TMEM45A: variants seen among roughly 807,000 people sequenced by gnomAD.
TMEM45A encodes transmembrane protein 45A.
In TMEM45A, 25 loss-of-function variants were observed where a neutral mutation model predicts 32.0. The observed-to-expected ratio is 0.78, with a 90% confidence interval of 0.57 to 1.09. The LOEUF (loss-of-function observed/expected upper bound fraction) is 1.09. Ranked by LOEUF, TMEM45A falls within the 50% of genes least tolerant of loss-of-function variation. TMEM45A has a pLI of 0.00. For synonymous variants in TMEM45A, 122 were observed against 114.8 expected (o/e 1.06, Z -0.40); for missense variants, 302 against 325.0 (o/e 0.93, Z 0.54).
chr3:100,564,586 C>T (rs570396765), intron 4 of TMEM45A, among the ~76,000 whole-genome samples: 7 of 151,992 alleles, frequency 4.6e-5, no homozygotes, highest in Admixed American at 1.3e-4. Flanking sequence ...CGGGTTCAAG[C>T]GATTCTCCTG....
intron 1 of TMEM45A, among the ~76,000 whole-genome samples, chr3:100,511,474 C>T (rs1396039192): frequency 5.3e-5 from 8 of 151,792 alleles, no homozygotes; most frequent in East Asian, 1.9e-4. Context: ...CTGAAGGAAG[C>T]GCTAAACATG....
At chr3:100,520,712 G>A (rs1201984983) in intron 1 of TMEM45A, among the ~76,000 whole-genome samples, 2 of 152,106 alleles carry the variant, frequency 1.3e-5, no homozygotes, top group African/African-American at 2.4e-5. Context: ...AGGCAGGCAC[G>A]GGTTGCCAAC....
At chr3:100,501,432 TC>T (rs1187820488) in intron 1 of TMEM45A, among the ~76,000 whole-genome samples, 3 of 152,232 alleles carry the variant, frequency 2.0e-5, no homozygotes, top group South Asian at 4.1e-4. Flanking sequence ...GGGAGGAGTT[TC>T]CCAGCTAAAG....
chr3:100,516,793 A>AT lies in TMEM45A; in HGVS notation c.-4+23875dup, dbSNP rs201646051. On this transcript the variant is annotated intron_variant, in intron 1 of 5. Transcript: ENST00000323523. The stretch of plus-strand genomic sequence containing the variant: ...AATTTTTCTGAAATTAAGAGAGCCC[A>AT]TTTTTTTTTTCATAATGTGTTGAAG... Among the ~76,000 whole-genome samples the AT allele has an allele frequency of 9.3e-3, 1,387 of 149,898 alleles. 27 individuals are homozygous for AT. The highest frequency in any genetic ancestry group is 0.032 in the African/African-American group (1,314 of 40,934).
At chr3:100,574,444 A>T (rs1706639543) in intron 5 of TMEM45A, 1 of 152,234 alleles carries the variant, frequency 6.6e-6, no homozygotes, top group Non-Finnish European at 1.5e-5. Flanking sequence ...CCCAAGACTA[A>T]ACCAGGAAGA....
chr3:100,532,354 C>T (rs6773445), intron 1 of TMEM45A, among the ~76,000 whole-genome samples: 1 of 152,006 alleles, frequency 6.6e-6, no homozygotes, highest in African/African-American at 2.4e-5. Flanking sequence ...TGTACCTACA[C>T]ATTACTGTAA....
At chr3:100,529,886 G>A (rs1705614053) in intron 1 of TMEM45A, among the ~76,000 whole-genome samples, 1 of 152,108 alleles carries the variant, frequency 6.6e-6, no homozygotes. Flanking sequence ...CCAAAGTGCT[G>A]GGGGTTATGG....
At chr3:100,555,166 C>A in intron 1 of TMEM45A, 43 bp from the exon 2 acceptor site, 1 of 1,517,914 alleles carries the variant, frequency 6.6e-7, no homozygotes, top group Admixed American at 2.0e-5. Flanking sequence ...CAGATTCTGG[C>A]AATGAAATGT....
chr3:100,517,308 G>A lies in TMEM45A; in HGVS notation c.-4+24380G>A, dbSNP rs773382949. Among the ~76,000 whole-genome samples the A allele has an allele frequency of 6.6e-5, 10 of 152,256 alleles. No individual in the cohort carries two copies. The South Asian group carries it at 2.1e-3, about 32-fold the overall frequency. ...ATTTTTTGTATTTTTAGTAGAGACA[G>A]GGTTTCGCCATTTTGGCCAGGCTGG... On this transcript the variant is annotated intron_variant, in intron 1 of 5. Transcript: ENST00000323523.
In TMEM45A at chr3:100,564,241, T is replaced by C. The variant is rs571080294; in HGVS notation, c.589-4581T>C. ...GACATTGGTTGACAAATAAAATGCA[T>C]TGGGCCAGGACAAAAATAGAAAACC... is the stretch of plus-strand genomic sequence containing the variant. On this transcript the variant is annotated intron_variant, in intron 4 of 5. Coordinates refer to ENST00000323523, the MANE Select transcript of TMEM45A (RefSeq NM_018004.3). 3.9e-5 allele frequency among the ~76,000 whole-genome samples: 6 copies of C among 152,312 alleles called. No individual in the cohort carries two copies. The South Asian group carries it at 6.2e-4, about 16-fold the overall frequency.
At chr3:100,563,210 G>A (rs1412819976) in intron 4 of TMEM45A, among the ~76,000 whole-genome samples, 3 of 152,154 alleles carry the variant, frequency 2.0e-5, no homozygotes, top group Non-Finnish European at 2.9e-5. Flanking sequence ...ATTATCACAA[G>A]ATATTCTTCC....
At chr3:100,566,360 T>A (rs950956429) in intron 4 of TMEM45A, among the ~76,000 whole-genome samples, 5 of 152,146 alleles carry the variant, frequency 3.3e-5, no homozygotes, top group Admixed American at 6.5e-5. Context: ...GCTGCAGAAT[T>A]TTATCCCAAT....
intron 1 of TMEM45A, among the ~76,000 whole-genome samples, chr3:100,526,049 G>A (rs1002117300): frequency 6.6e-6 from 1 of 152,124 alleles, no homozygotes; most frequent in South Asian, 2.1e-4. Context: ...GGAAATGAGC[G>A]TCTGCAGCAG....
intron 1 of TMEM45A, among the ~76,000 whole-genome samples, chr3:100,542,287 G>A (rs920509783): frequency 3.9e-5 from 6 of 152,230 alleles, no homozygotes; most frequent in Middle Eastern, 6.8e-3. Context: ...ATCTATGAAC[G>A]TGGAATGTTT....
chr3:100,529,638 T>C (rs1358356260), intron 1 of TMEM45A, among the ~76,000 whole-genome samples: 1 of 152,134 alleles, frequency 6.6e-6, no homozygotes, highest in African/African-American at 2.4e-5. Flanking sequence ...ACTTTTATTT[T>C]TGTGATAGGG....
intron 1 of TMEM45A, among the ~76,000 whole-genome samples, chr3:100,542,445 A>C (rs1044064933): frequency 5.3e-5 from 8 of 152,238 alleles, no homozygotes; most frequent in Non-Finnish European, 1.2e-4. Context: ...CAAAAACAAA[A>C]ATCAATAAGT....
intron 1 of TMEM45A, among the ~76,000 whole-genome samples, chr3:100,502,276 C>T (rs1333694898): frequency 6.7e-6 from 1 of 148,482 alleles, no homozygotes; most frequent in African/African-American, 2.5e-5. Context: ...CCATGTCTTT[C>T]TTCATCTCAG....
intron 1 of TMEM45A, among the ~76,000 whole-genome samples, chr3:100,551,402 C>T (rs1437309005): frequency 6.6e-6 from 1 of 152,078 alleles, no homozygotes; most frequent in African/African-American, 2.4e-5. Flanking sequence ...TGGCATTTTC[C>T]CTGGGGTTGC....
rs1706582978 is a variant in TMEM45A, at chr3:100,572,377, T to C, written c.734+3410T>C. ...GATGGTGAGCATTTTTTCATGTGTT[T>C]TTTGGCTACATAAATGTCTTCTTTT... is the stretch of plus-strand genomic sequence containing the variant. On this transcript the variant is annotated intron_variant, in intron 5 of 5. Coordinates refer to ENST00000323523, the MANE Select transcript of TMEM45A (RefSeq NM_018004.3). 5 of 152,202 alleles carry C rather than the reference T, an allele frequency of 3.3e-5. No homozygotes were observed. In the South Asian group the frequency reaches 1.0e-3, roughly 32 times the overall value. The allele number at this position is 152,202 out of a possible 1,614,324, so 9.4% of individuals were successfully genotyped here.
Sources: allele counts gnomAD v4.1 joint callset (sites outside exome capture counted in the v4.1 genomes callset), GRCh38; gene constraint gnomAD v4.1.1; transcripts MANE v1.5; gene names NCBI Gene and HGNC (gene_info 2026-07-23, HGNC 2026-07-21).